The following PRKCE variants were observed in gnomAD, a reference collection of about 807,000 sequenced individuals.
PRKCE encodes the protein protein kinase C epsilon type.
A neutral mutation model predicts 85.4 loss-of-function variants in PRKCE; 16 were observed. The ratio of observed to expected loss-of-function variants is 0.19; its 90% CI spans 0.13 to 0.28. PRKCE has a LOEUF of 0.28. PRKCE is among the 10% of genes least tolerant of loss of function. The pLI, the probability that PRKCE is intolerant of heterozygous loss-of-function variation, is 1.00. For missense variants in PRKCE, 573 were observed against 975.2 expected (o/e 0.59, Z 5.49); for synonymous variants, 388 against 371.5 (o/e 1.04, Z -0.51).
At chr2:45,708,862 G>A (rs980302318) in intron 1 of PRKCE, among the ~76,000 whole-genome samples, 5 of 152,194 alleles carry the variant, frequency 3.3e-5, no homozygotes, top group Non-Finnish European at 7.3e-5. Context: ...TGGGGGCCAT[G>A]TGTTGAAGGT....
chr2:45,775,693 G>A (rs1328230992), intron 1 of PRKCE, among the ~76,000 whole-genome samples: 2 of 152,050 alleles, frequency 1.3e-5, no homozygotes, highest in African/African-American at 2.4e-5. Context: ...TGGGTCTCTC[G>A]GCTTCCACCC....
intron 11 of PRKCE, among the ~76,000 whole-genome samples, chr2:46,133,896 G>T (rs1674704546): frequency 6.6e-6 from 1 of 152,176 alleles, no homozygotes; most frequent in Non-Finnish European, 1.5e-5. Flanking sequence ...GAAGGGTTGG[G>T]GGTGGTAGTG....
At chr2:45,877,916 C>G (rs2105791807) in intron 2 of PRKCE, among the ~76,000 whole-genome samples, 1 of 152,350 alleles carries the variant, frequency 6.6e-6, no homozygotes, top group South Asian at 2.1e-4. Flanking sequence ...AGGAACTTCA[C>G]CGAATCACCA....
intron 1 of PRKCE, among the ~76,000 whole-genome samples, chr2:45,716,690 A>AGAAG (rs750015013): frequency 0.091 from 10,198 of 112,186 alleles, 539 homozygotes; most frequent in Non-Finnish European, 0.12. Context: ...GAAGAAGAAG[A>AGAAG]GAAGGAAGGA....
intron 11 of PRKCE, among the ~76,000 whole-genome samples, chr2:46,127,750 G>A (rs1215039751): frequency 6.6e-6 from 1 of 152,248 alleles, no homozygotes; most frequent in Non-Finnish European, 1.5e-5. Flanking sequence ...AGAGTTCTCA[G>A]TAGTATGCAT....
intron 2 of PRKCE, among the ~76,000 whole-genome samples, chr2:45,934,704 A>G (rs1699301298): frequency 6.6e-6 from 1 of 152,036 alleles, no homozygotes; most frequent in East Asian, 1.9e-4. Flanking sequence ...AGCTCTAAAA[A>G]GATTCCAAAT....
chr2:45,903,693 C>T (rs566966017), intron 2 of PRKCE, among the ~76,000 whole-genome samples: 5 of 152,174 alleles, frequency 3.3e-5, no homozygotes, highest in African/African-American at 7.2e-5. Flanking sequence ...AGCCTAGACA[C>T]ACAGACCAGA....
chr2:45,941,719 C>T (rs2104221914), intron 2 of PRKCE, among the ~76,000 whole-genome samples: 1 of 152,248 alleles, frequency 6.6e-6, no homozygotes, highest in East Asian at 1.9e-4. Context: ...GCAATTCAAG[C>T]ATGCACTGGA....
At chr2:45,999,936 A>G (rs1704531676) in intron 6 of PRKCE, among the ~76,000 whole-genome samples, 1 of 152,188 alleles carries the variant, frequency 6.6e-6, no homozygotes, top group South Asian at 2.1e-4. Context: ...TTTGATCTCT[A>G]GCAGTTCTTC....
At chr2:46,006,180 A>G (rs1705181468) in intron 8 of PRKCE, among the ~76,000 whole-genome samples, 1 of 152,258 alleles carries the variant, frequency 6.6e-6, no homozygotes, top group African/African-American at 2.4e-5. Context: ...AACAGAAATA[A>G]GACATAGTTT....
chr2:46,119,796 G>A (rs1673140691), intron 11 of PRKCE, among the ~76,000 whole-genome samples: 3 of 152,212 alleles, frequency 2.0e-5, no homozygotes, highest in African/African-American at 7.2e-5. Context: ...ACTCCACCCA[G>A]TGTGTTAGTA....
chr2:46,184,613 G>A lies in PRKCE; in HGVS notation c.2068-122G>A, dbSNP rs553799766. Reference sequence around the variant, plus strand: ...TCATCGGGACAGCCCCGTGTCTGCTGTCTGTTGGTAGCTAGAGGCCTGCTT... The same window carrying A: ...TCATCGGGACAGCCCCGTGTCTGCTATCTGTTGGTAGCTAGAGGCCTGCTT... On this transcript the variant is annotated intron_variant, in intron 14 of 14. Coordinates refer to ENST00000306156, the MANE Select transcript of PRKCE (RefSeq NM_005400.3). The surrounding 1 kb of genome is among the most constrained non-coding windows in gnomAD (Gnocchi z 5.0). 1 of 1,278,694 alleles carries A rather than the reference G, an allele frequency of 7.8e-7. No homozygotes were observed. 79.2% of individuals were successfully genotyped at this position (1,278,694 alleles called of 1,614,324 possible).
rs562432680 is a variant in PRKCE at position 46,138,499 on chromosome 2, T to G, written c.1593-6594T>G. ...GGTTGGTAGAGTCAGGATTCCCATC[T>G]CCTAGGAATAAAATGGCAGAGGATG... is the stretch of plus-strand genomic sequence containing the variant. On this transcript the variant is annotated intron_variant, in intron 11 of 14. Transcript: ENST00000306156. The surrounding 1 kb of genome is among the most constrained non-coding windows in gnomAD (Gnocchi z 4.2). Among the ~76,000 whole-genome samples, 139 of 152,284 alleles carry G rather than the reference T, an allele frequency of 9.1e-4. No individual in the cohort carries two copies. Among genetic ancestry groups the G allele is most frequent in the African/African-American group, 3.1e-3 (130 of 41,562 alleles).
chr2:46,156,555 C>A (rs943230211), intron 13 of PRKCE, among the ~76,000 whole-genome samples: 32 of 152,196 alleles, frequency 2.1e-4, no homozygotes, highest in Admixed American at 1.3e-3. Context: ...CCGATGAGTA[C>A]AGGGCACCTG....
At chr2:46,052,206 A>G (rs1198376300) in intron 10 of PRKCE, among the ~76,000 whole-genome samples, 1 of 152,246 alleles carries the variant, frequency 6.6e-6, no homozygotes, top group East Asian at 1.9e-4. Flanking sequence ...TTCAAAAGGT[A>G]GTGTGTGCAG....
At chr2:46,149,860 C>CTT (rs35154754) in intron 12 of PRKCE, among the ~76,000 whole-genome samples, 68 of 140,750 alleles carry the variant, frequency 4.8e-4, no homozygotes, top group African/African-American at 8.7e-4. Flanking sequence ...AGAAAAGATC[C>CTT]TTTTTTTTTT....
chr2:45,700,665 G>A (rs115294197), intron 1 of PRKCE: 2,642 of 152,274 alleles, frequency 0.017, 38 homozygotes, highest in Non-Finnish European at 0.027. Context: ...ATGAGTTGAA[G>A]TGTGTCCCAG....
At chr2:46,055,406 C>T (rs527506929) in intron 10 of PRKCE, among the ~76,000 whole-genome samples, 3 of 152,324 alleles carry the variant, frequency 2.0e-5, no homozygotes, top group African/African-American at 4.8e-5. Context: ...TTCTAGCGCC[C>T]GTGAACTCTA....
chr2:45,976,496 C>T lies in PRKCE; in HGVS notation c.480C>T (p.Val160=). 1 of 1,599,754 alleles carries T rather than the reference C, an allele frequency of 6.3e-7. No individual in the cohort carries two copies. Among genetic ancestry groups the T allele is most frequent in the Non-Finnish European group, 8.5e-7 (1 of 1,179,962 alleles). Residue 160 remains valine (V), a synonymous_variant, in exon 3 of 15, where the codon GTC becomes GTT. Coordinates refer to ENST00000306156, the MANE Select transcript of PRKCE (RefSeq NM_005400.3). The part of the protein sequence containing the change: ...RMRPRKRQGA[V]RRRVHQVNGH... Reference sequence around the variant, plus strand: ...GGCCGAGGAAGCGGCAGGGGGCCGTCAGGCGCAGGGTCCATCAGGTCAACG... The same window carrying T: ...GGCCGAGGAAGCGGCAGGGGGCCGTTAGGCGCAGGGTCCATCAGGTCAACG...
Sources: allele counts gnomAD v4.1 joint callset (sites outside exome capture counted in the v4.1 genomes callset), GRCh38; gene constraint gnomAD v4.1.1; non-coding constraint Gnocchi (gnomAD v3.1); transcripts MANE v1.5; gene names NCBI Gene and HGNC (gene_info 2026-07-23, HGNC 2026-07-21).